RORA: variants seen among roughly 807,000 people sequenced by gnomAD.
RORA encodes the protein nuclear receptor ROR-alpha.
In RORA, 7 loss-of-function variants were observed where a neutral mutation model predicts 69.5. The observed-to-expected ratio is 0.10, with a 90% CI of 0.06 to 0.19. The LOEUF (loss-of-function observed/expected upper bound fraction) is 0.19. Among genes scored for constraint, RORA ranks in the 10% least tolerant of loss-of-function variants. The probability of loss-of-function intolerance (pLI) is 1.00; values close to 1 mark genes in which losing one functional copy is unlikely to be tolerated. For synonymous variants in RORA, 261 were observed against 240.8 expected (o/e 1.08, Z -0.78); for missense variants, 457 against 663.0 (o/e 0.69, Z 3.41).
At chr15:61,123,693 C>T (rs1433811714) in intron 1 of RORA, among the ~76,000 whole-genome samples, 1 of 152,092 alleles carries the variant, frequency 6.6e-6, no homozygotes, top group Non-Finnish European at 1.5e-5. Flanking sequence ...TTTAACTGTC[C>T]CTTCCCCGTC....
chr15:60,981,480 A>G (rs1377309343), intron 1 of RORA, among the ~76,000 whole-genome samples: 1 of 151,816 alleles, frequency 6.6e-6, no homozygotes, highest in East Asian at 1.9e-4. Flanking sequence ...AGGCTCTGTT[A>G]ATTTTTCTTC....
intron 1 of RORA, among the ~76,000 whole-genome samples, chr15:61,144,906 T>C (rs2079331823): frequency 6.6e-6 from 1 of 152,256 alleles, no homozygotes; most frequent in African/African-American, 2.4e-5. Context: ...AGTTTCGCTG[T>C]ATATCCTTTT....
intron 1 of RORA, among the ~76,000 whole-genome samples, chr15:60,739,193 T>C (rs2140846829): frequency 6.6e-6 from 1 of 152,322 alleles, no homozygotes; most frequent in Non-Finnish European, 1.5e-5. Context: ...AAGGACGTTC[T>C]CTGAGATTCT....
intron 2 of RORA, among the ~76,000 whole-genome samples, chr15:60,665,610 C>A (rs1044142039): frequency 6.6e-6 from 1 of 152,142 alleles, no homozygotes; most frequent in African/African-American, 2.4e-5. Context: ...GTCAAGCAGC[C>A]CTTTGAATTA....
intron 7 of RORA, among the ~76,000 whole-genome samples, 182 bp from the exon 8 acceptor site, chr15:60,503,049 A>G (rs1416117383): frequency 3.9e-5 from 6 of 152,212 alleles, no homozygotes; most frequent in Middle Eastern, 3.2e-3. Context: ...CTATGTAATT[A>G]AAAGACTGTT....
chr15:60,558,390 G>C (rs1285732383), intron 2 of RORA: 26 of 815,282 alleles, frequency 3.2e-5, no homozygotes, highest in Non-Finnish European at 5.3e-5. Flanking sequence ...TTACAAAACA[G>C]GAACATCTCA....
At chr15:60,964,589 C>T (rs921420524) in intron 1 of RORA, among the ~76,000 whole-genome samples, 16 of 152,106 alleles carry the variant, frequency 1.1e-4, no homozygotes, top group African/African-American at 3.6e-4. Flanking sequence ...CTCCAGGGCC[C>T]TGGGGAGTGT....
chr15:60,849,414 G>A (rs1346565211), intron 1 of RORA, among the ~76,000 whole-genome samples: 1 of 152,210 alleles, frequency 6.6e-6, no homozygotes, highest in Non-Finnish European at 1.5e-5. Flanking sequence ...ATTAATAGAT[G>A]AAACGGACAA....
chr15:60,564,029 T>C (rs1321638759), intron 2 of RORA, among the ~76,000 whole-genome samples: 1 of 152,206 alleles, frequency 6.6e-6, no homozygotes, highest in Non-Finnish European at 1.5e-5. Flanking sequence ...ACATACTTCA[T>C]TTTATTAGGA....
At chr15:61,092,421 T>C (rs2078721802) in intron 1 of RORA, among the ~76,000 whole-genome samples, 1 of 152,240 alleles carries the variant, frequency 6.6e-6, no homozygotes, top group Middle Eastern at 3.2e-3. Flanking sequence ...AGTAGGTTCT[T>C]CCCTTTCTGC....
At chr15:60,624,770 C>A (rs531441038) in intron 2 of RORA, among the ~76,000 whole-genome samples, 37 of 151,978 alleles carry the variant, frequency 2.4e-4, no homozygotes, top group Non-Finnish European at 5.0e-4. Context: ...TAACATCCAT[C>A]TGTGTTCAAA....
At chr15:61,124,117 TTGC>T (rs1303426515) in intron 1 of RORA, among the ~76,000 whole-genome samples, 4 of 152,238 alleles carry the variant, frequency 2.6e-5, no homozygotes, top group Non-Finnish European at 2.9e-5. Flanking sequence ...CAGATTTCCC[TTGC>T]TGCTTCCTGA....
At position 61,213,036 on chromosome 15, in the gene RORA, A is replaced by AC. The variant is rs2080007710; in HGVS notation, c.166+16016dup. On this transcript the variant is annotated intron_variant, in intron 1 of 10. Transcript: ENST00000335670. This position sits in a 1 kb window ranked among gnomAD's most constrained non-coding sequence, Gnocchi z 4.1. ...CATATTGTCACCTGCTCCCTGCTAG[A>AC]CCCCCATTCCCCGCTGCCCATCAGA... 6.6e-6 allele frequency among the ~76,000 whole-genome samples: 1 copy of AC among 151,508 alleles called. No homozygotes were observed. Among genetic ancestry groups the AC allele is most frequent in the South Asian group, 2.1e-4 (1 of 4,786 alleles).
At chr15:60,651,322 C>T (rs2070139883) in intron 2 of RORA, among the ~76,000 whole-genome samples, 1 of 152,140 alleles carries the variant, frequency 6.6e-6, no homozygotes, top group African/African-American at 2.4e-5. Flanking sequence ...TATCAAATCT[C>T]ATATAAATAC....
chr15:60,853,096 A>C (rs2073343251), intron 1 of RORA, among the ~76,000 whole-genome samples: 2 of 152,186 alleles, frequency 1.3e-5, no homozygotes, highest in Non-Finnish European at 2.9e-5. Context: ...CTCTGCTCAG[A>C]GTTCAGGGCG....
intron 1 of RORA, among the ~76,000 whole-genome samples, chr15:60,893,184 C>G (rs1166233225): frequency 6.6e-5 from 10 of 152,214 alleles, no homozygotes. Flanking sequence ...TAACCAAAGA[C>G]GTGAGAATTC....
intron 3 of RORA, chr15:60,530,140 G>A (rs1416688009): frequency 6.6e-6 from 1 of 152,310 alleles, no homozygotes; most frequent in African/African-American, 2.4e-5. Context: ...ACACAAGACA[G>A]GGTGAGGGTG....
chr15:61,134,365 T>C (rs2079217754), intron 1 of RORA, among the ~76,000 whole-genome samples: 1 of 152,256 alleles, frequency 6.6e-6, no homozygotes, highest in Non-Finnish European at 1.5e-5. Context: ...TGCAGACTGC[T>C]GCTGGGCTGT....
At chr15:60,647,882 C>A (rs978116915) in intron 2 of RORA, among the ~76,000 whole-genome samples, 2 of 152,162 alleles carry the variant, frequency 1.3e-5, no homozygotes, top group African/African-American at 4.8e-5. Context: ...TGGGATCACA[C>A]CCCAGAGGCA....
Sources: allele counts gnomAD v4.1 joint callset (sites outside exome capture counted in the v4.1 genomes callset), GRCh38; gene constraint gnomAD v4.1.1; non-coding constraint Gnocchi (gnomAD v3.1); transcripts MANE v1.5; gene names NCBI Gene and HGNC (gene_info 2026-07-23, HGNC 2026-07-21).